TERT: variants seen among roughly 807,000 people sequenced by gnomAD.
TERT encodes the protein telomerase catalytic subunit.
TERT carries 42 observed loss-of-function variants against 104.0 expected under a neutral mutation model. That is an observed-to-expected ratio of 0.40 (90% CI 0.32 to 0.52). TERT has a LOEUF of 0.52. Among genes scored for constraint, TERT ranks in the 20% least tolerant of loss-of-function variants. The pLI is 0.43. For missense variants in TERT, 1,101 were observed against 1,610.3 expected (o/e 0.68, Z 5.41); for synonymous variants, 781 against 725.6 (o/e 1.08, Z -1.23).
rs1295722773 is a variant in TERT at position 1,256,147 on chromosome 5, C to T, written c.3033-736G>A. Among the ~76,000 whole-genome samples the T allele has an allele frequency of 1.3e-5, 2 of 152,036 alleles. No homozygotes were observed. The highest frequency in any genetic ancestry group is 2.9e-5 in the Non-Finnish European group (2 of 67,994). ...CACTTCAGCCTCCCAAGTATTGGAACTACAGGCGCACACCACCATGCTCAG... is the reference window on the plus strand; with the variant it reads ...CACTTCAGCCTCCCAAGTATTGGAATTACAGGCGCACACCACCATGCTCAG... On this transcript the variant is annotated intron_variant, in intron 13 of 15. Transcript: ENST00000310581. The surrounding 1 kb of genome is among the most constrained non-coding windows in gnomAD (Gnocchi z 7.0).
At position 1,279,380 on chromosome 5, in the gene TERT, G is replaced by A. The variant is rs1310819412; in HGVS notation, c.2041C>T (p.Leu681=). The change falls in exon 5 of 16, where the codon CTG becomes TTG. Residue 681 remains leucine, a synonymous_variant. Transcript: ENST00000310581. ...RRPGLLGASV[L]GLDDIHRAWR... ...GCCCTGTGGATATCGTCCAGGCCCA[G>A]CACAGAGGCGCCCAGGAGGCCGGGG... is the stretch of plus-strand genomic sequence containing the variant. The A allele has an allele frequency of 3.2e-6, 5 of 1,561,748 alleles. No homozygotes were observed. Among genetic ancestry groups the A allele is most frequent in the Non-Finnish European group, 4.3e-6 (5 of 1,155,140 alleles).
chr5:1,254,199 G>A (rs1299859569), intron 15 of TERT, among the ~76,000 whole-genome samples, 169 bp downstream of exon 15: 4 of 152,162 alleles, frequency 2.6e-5, no homozygotes, highest in African/African-American at 9.7e-5. Flanking sequence ...CGTGGCCTGG[G>A]GACACCAGCG....
At position 1,258,586 on chromosome 5, in the gene TERT, G is replaced by A. The variant is rs774718903; in HGVS notation, c.3032+12C>T. 2 of 1,562,374 alleles carry A rather than the reference G, an allele frequency of 1.3e-6. No individual in the cohort carries two copies. Among genetic ancestry groups the A allele is most frequent in the Non-Finnish European group, 8.7e-7 (1 of 1,152,864 alleles). Reference sequence around the variant, plus strand: ...CTGGAGGCTGGGCCTGCACCCCTTGGTGGCGGCTCACCTGTACGCCTGCAG... The same window carrying A: ...CTGGAGGCTGGGCCTGCACCCCTTGATGGCGGCTCACCTGTACGCCTGCAG... On this transcript the variant is annotated intron_variant, in intron 13 of 15. Coordinates refer to ENST00000310581, the MANE Select transcript of TERT (RefSeq NM_198253.3).
At chr5:1,293,240 C>A in intron 2 of TERT, 73 bp downstream of exon 2, 1 of 1,578,246 alleles carries the variant, frequency 6.3e-7, no homozygotes, top group Non-Finnish European at 8.6e-7. Context: ...CAGGGCTCTG[C>A]CTGCCCCCTT....
chr5:1,270,674 C>CG lies in TERT; in HGVS notation c.2468+444dup, dbSNP rs989639008. 1.1e-4 allele frequency among the ~76,000 whole-genome samples: 16 copies of CG among 152,192 alleles called. No homozygotes were observed. Among genetic ancestry groups the CG allele is most frequent in the Non-Finnish European group, 1.9e-4 (13 of 68,034 alleles). On this transcript the variant is annotated intron_variant, in intron 8 of 15. Coordinates refer to ENST00000310581, the MANE Select transcript of TERT (RefSeq NM_198253.3). This position sits in a 1 kb window ranked among gnomAD's most constrained non-coding sequence, Gnocchi z 8.3. Reference sequence around the variant, plus strand: ...ACAGAGAGAAGAGCCCGCGCCCTCGCGGGGGTCACACGACAGGGACAGGAA... The same window carrying CG: ...ACAGAGAGAAGAGCCCGCGCCCTCGCGGGGGGTCACACGACAGGGACAGGAA...
In TERT at chr5:1,261,223, TC is replaced by T. The variant is rs1748204978; in HGVS notation, c.2844-624del. On this transcript the variant is annotated intron_variant, in intron 11 of 15. Transcript: ENST00000310581. This position sits in a 1 kb window ranked among gnomAD's most constrained non-coding sequence, Gnocchi z 7.4. ...TCCACGGCAGGCTCCTGGGGTGTGT[TC>T]TTTTACATCCAGCTTTGAACACTGC... Among the ~76,000 whole-genome samples, 1 of 152,264 alleles carries T rather than the reference TC, an allele frequency of 6.6e-6. No homozygotes were observed. The highest frequency in any genetic ancestry group is 6.5e-5 in the Admixed American group (1 of 15,286).
At chr5:1,279,564 A>T in intron 4 of TERT, 94 bp from the exon 5 acceptor site, 1 of 1,291,678 alleles carries the variant, frequency 7.7e-7, no homozygotes. Context: ...GCCCCTCCCC[A>T]GTGTCCCCAG....
Position 1,262,484 on chromosome 5 carries a change from C to A in TERT, c.2844-1884G>T. 6.6e-6 allele frequency among the ~76,000 whole-genome samples: 1 copy of A among 152,194 alleles called. No homozygotes were observed. Among genetic ancestry groups the A allele is most frequent in the East Asian group, 1.9e-4 (1 of 5,196 alleles). ...TAATCATTTTGCCTGTTTTCTTCTC[C>A]CAGATGCCCTTCAAGCCTCTGCTGT... On this transcript the variant is annotated intron_variant, in intron 11 of 15. Transcript: ENST00000310581. The surrounding 1 kb of genome is among the most constrained non-coding windows in gnomAD (Gnocchi z 5.6).
In TERT at chr5:1,288,464, A is replaced by G. The variant is rs1750624984; in HGVS notation, c.1573+4849T>C. Among the ~76,000 whole-genome samples, 1 of 152,214 alleles carries G rather than the reference A, an allele frequency of 6.6e-6. No homozygotes were observed. The highest frequency in any genetic ancestry group is 2.4e-5 in the African/African-American group (1 of 41,462). ...GACACCGGCCCTCCACGTGGGTCTCAGAGCAGGAGACAGACAGAGACACTC... is the reference window on the plus strand; with the variant it reads ...GACACCGGCCCTCCACGTGGGTCTCGGAGCAGGAGACAGACAGAGACACTC... On this transcript the variant is annotated intron_variant, in intron 2 of 15. Transcript: ENST00000310581. This position sits in a 1 kb window ranked among gnomAD's most constrained non-coding sequence, Gnocchi z 5.3.
At chr5:1,284,785 A>G (rs1057236682) in intron 2 of TERT, among the ~76,000 whole-genome samples, 13 of 127,146 alleles carry the variant, frequency 1.0e-4, no homozygotes, top group Non-Finnish European at 1.8e-4. Context: ...GACACCCCAC[A>G]TCCAACTCAC....
chr5:1,262,000 A>T lies in TERT; in HGVS notation c.2844-1400T>A, dbSNP rs1748265005. Among the ~76,000 whole-genome samples, 1 of 152,174 alleles carries T rather than the reference A, an allele frequency of 6.6e-6. No individual in the cohort carries two copies. Among genetic ancestry groups the T allele is most frequent in the Non-Finnish European group, 1.5e-5 (1 of 68,022 alleles). The stretch of plus-strand genomic sequence containing the variant: ...TGCACAAACGCTCCAGGGAATGGCC[A>T]TTTTCACTGTGGCTCAGGCAAGCTG... On this transcript the variant is annotated intron_variant, in intron 11 of 15. Coordinates refer to ENST00000310581, the MANE Select transcript of TERT (RefSeq NM_198253.3). This position sits in a 1 kb window ranked among gnomAD's most constrained non-coding sequence, Gnocchi z 7.4.
chr5:1,260,636 T>C (rs1285472127), intron 11 of TERT, 36 bp from the exon 12 acceptor site: 1 of 1,611,958 alleles, frequency 6.2e-7, no homozygotes, highest in South Asian at 1.1e-5. Context: ...CACAGGTGCC[T>C]GCCCCACACC....
At chr5:1,284,880 G>A (rs181467525) in intron 2 of TERT, among the ~76,000 whole-genome samples, 8 of 140,740 alleles carry the variant, frequency 5.7e-5, no homozygotes, top group Admixed American at 3.7e-4. Context: ...ACCGTCTGGC[G>A]ACCTCACTCC....
chr5:1,272,743 C>T (rs1749179437), intron 6 of TERT, among the ~76,000 whole-genome samples: 1 of 60,124 alleles, frequency 1.7e-5, no homozygotes, highest in Non-Finnish European at 4.0e-5. Flanking sequence ...CCGCCATCCA[C>T]AGTCACCACA....
intron 2 of TERT, among the ~76,000 whole-genome samples, chr5:1,291,585 A>T (rs1750971819): frequency 7.8e-6 from 1 of 127,848 alleles, no homozygotes; most frequent in Non-Finnish European, 1.7e-5. Flanking sequence ...CCTGCACGTG[A>T]CAGGGACACC....
rs561635924 is a variant in TERT at position 1,253,238 on chromosome 5, C to T, written c.*490G>A. 51 of 258,690 alleles carry T rather than the reference C, an allele frequency of 2.0e-4. No homozygotes were observed. The highest frequency in any genetic ancestry group is 1.1e-3 in the Middle Eastern group (1 of 874). The allele number at this position is 258,690 out of a possible 1,614,324, so 16.0% of individuals were successfully genotyped here. On this transcript the variant is annotated 3_prime_UTR_variant, in exon 16 of 16. Transcript: ENST00000310581. ...CAGCACCTCCCCCCAATTTGACCCACAGGGACCCCCATCCAGGTGCAGGGT... is the reference window on the plus strand; with the variant it reads ...CAGCACCTCCCCCCAATTTGACCCATAGGGACCCCCATCCAGGTGCAGGGT...
Position 1,293,334 on chromosome 5 carries a change from C to T in TERT, c.1552G>A (p.Ala518Thr), listed in dbSNP as rs551522837. ...LTWKMSVRDC[A>T]WLRRSPGVGC... ...TCACCTGGGCTCCTGCGCAGCCAAGCGCAGTCCCGCACGCTCATCTTCCAC... is the reference window on the plus strand; with the variant it reads ...TCACCTGGGCTCCTGCGCAGCCAAGTGCAGTCCCGCACGCTCATCTTCCAC... Residue 518 changes from alanine (A) to threonine (T), a missense_variant, in exon 2 of 16, where the codon GCT (alanine) becomes ACT (threonine). Physicochemically the swap from Ala to Thr is moderately conservative, Grantham distance 58. This residue lies in a region of TERT where 504 missense variants were observed against 544.6 expected (regional missense o/e 0.93). Coordinates refer to ENST00000310581, the MANE Select transcript of TERT (RefSeq NM_198253.3). 4.3e-6 allele frequency: 7 copies of T among 1,613,182 alleles called. No individual in the cohort carries two copies. The highest frequency in any genetic ancestry group is 1.1e-5 in the South Asian group (1 of 91,082).
At position 1,256,278 on chromosome 5, in the gene TERT, T is replaced by C. The variant is rs34042051; in HGVS notation, c.3033-867A>G. Among the ~76,000 whole-genome samples, 250 of 152,256 alleles carry C rather than the reference T, an allele frequency of 1.6e-3. 1 individual carries two copies. The highest frequency in any genetic ancestry group is 5.6e-3 in the African/African-American group (234 of 41,554). On this transcript the variant is annotated intron_variant, in intron 13 of 15. Transcript: ENST00000310581. This position sits in a 1 kb window ranked among gnomAD's most constrained non-coding sequence, Gnocchi z 7.0. ...ATCCTCTCGCCTCGGCCTCCCAAAG[T>C]GCTGGGACTACAGGTGTGAGCCACC...
intron 12 of TERT, among the ~76,000 whole-genome samples, chr5:1,258,886 G>C (rs1202836298): frequency 6.6e-6 from 1 of 152,256 alleles, no homozygotes; most frequent in Non-Finnish European, 1.5e-5. Context: ...GCTCGGCCAA[G>C]ACAGGAAGGA....
Sources: gnomAD v4.1 joint callset for allele counts (sites outside exome capture counted in the v4.1 genomes callset) on GRCh38, gnomAD v4.1.1 for gene constraint, gnomAD v4.1.1 regional missense constraint, Gnocchi (gnomAD v3.1) non-coding constraint, MANE v1.5 for transcripts, NCBI Gene and HGNC (gene_info 2026-07-23, HGNC 2026-07-21) for gene names.